The following ACOT8 variants were observed in gnomAD, a reference collection of about 807,000 sequenced individuals.
The protein encoded by ACOT8 is acyl-CoA thioesterase 8.
ACOT8 carries 31 observed loss-of-function variants against 38.4 expected under a neutral mutation model. The observed-to-expected ratio is 0.81, with a 90% confidence interval of 0.61 to 1.09. The LOEUF is 1.09. Among genes scored for constraint, ACOT8 ranks in the 50% least tolerant of loss-of-function variants. The pLI is 0.00. For synonymous variants in ACOT8, 158 were observed against 170.3 expected (o/e 0.93, Z 0.56); for missense variants, 373 against 421.8 (o/e 0.88, Z 1.01).
Position 45,844,142 on chromosome 20 carries a change from C to A in ACOT8, c.646+121G>T, listed in dbSNP as rs756315580. 4.3e-6 allele frequency: 6 copies of A among 1,385,298 alleles called. No individual in the cohort carries two copies. In the South Asian group the frequency reaches 7.3e-5, roughly 17 times the overall value. 85.8% of individuals were successfully genotyped at this position (1,385,298 alleles called of 1,614,324 possible). ...CCCAGGTGAGAAGCTAAGCCAACTT[C>A]CCCATCATGCAGATAAGGAAACAGG... On this transcript the variant is annotated intron_variant, in intron 4 of 5. Transcript: ENST00000217455.
intron 5 of ACOT8, chr20:45,842,322 G>A (rs558275177): frequency 1.5e-5 from 21 of 1,399,192 alleles, no homozygotes; most frequent in Admixed American, 9.5e-5. Flanking sequence ...ACCTCTCCTC[G>A]CTTCCTCAAA....
At chr20:45,845,308 C>T (rs200768254) in intron 3 of ACOT8, among the ~76,000 whole-genome samples, 20 of 152,018 alleles carry the variant, frequency 1.3e-4, no homozygotes, top group Non-Finnish European at 1.8e-4. Flanking sequence ...AGGGTGGTCT[C>T]GAATTCCTGA....
rs73308468 is a variant in ACOT8, at chr20:45,841,829, T to A, written c.*9A>T. The A allele has an allele frequency of 6.3e-7, 1 of 1,594,870 alleles. No homozygotes were observed. The highest frequency in any genetic ancestry group is 2.2e-5 in the East Asian group (1 of 44,624). ...TTCTTGAAGCCCCAGGCGAAGCTGG[T>A]ACCTCTGGCTACAGCTTGCTCTCTG... On this transcript the variant is annotated 3_prime_UTR_variant, in exon 6 of 6. Transcript: ENST00000217455.
At chr20:45,846,591 C>T (rs1987847969) in intron 3 of ACOT8, among the ~76,000 whole-genome samples, 1 of 152,188 alleles carries the variant, frequency 6.6e-6, no homozygotes, top group Non-Finnish European at 1.5e-5. Flanking sequence ...GAGACATTCT[C>T]TCCTTATGAT....
At chr20:45,842,139 C>A in intron 5 of ACOT8, 183 bp from the exon 6 acceptor site, 1 of 1,529,754 alleles carries the variant, frequency 6.5e-7, no homozygotes. Flanking sequence ...CCATGCCCAA[C>A]CTCCAAGTGG....
chr20:45,844,480 A>G, intron 3 of ACOT8, 60 bp from the exon 4 acceptor site: 1 of 1,571,812 alleles, frequency 6.4e-7, no homozygotes. Flanking sequence ...TCACATCTGC[A>G]TTGCCTCTTC....
At chr20:45,843,485 A>T in intron 5 of ACOT8, 42 bp downstream of exon 5, 1 of 1,594,938 alleles carries the variant, frequency 6.3e-7, no homozygotes. Context: ...GGCTCCTGCC[A>T]CTCAAGGTCA....
chr20:45,857,338 G>A lies in ACOT8; in HGVS notation c.-23C>T, dbSNP rs1255168291. The A allele has an allele frequency of 3.2e-6, 5 of 1,581,186 alleles. No individual in the cohort carries two copies. The highest frequency in any genetic ancestry group is 1.7e-4 in the Middle Eastern group (1 of 5,780). On this transcript the variant is annotated 5_prime_UTR_variant, in exon 1 of 6. Coordinates refer to ENST00000217455, the MANE Select transcript of ACOT8 (RefSeq NM_005469.4). ...CATCTAGTTCAATGCTGCAGGCCCT[G>A]CACACCCGCTCCGCGGAAGACGCGG...
At chr20:45,851,517 C>G (rs1985060536) in intron 2 of ACOT8, among the ~76,000 whole-genome samples, 1 of 152,172 alleles carries the variant, frequency 6.6e-6, no homozygotes, top group Non-Finnish European at 1.5e-5. Flanking sequence ...GTTATTGGAA[C>G]AGAGCAGGTA....
Position 45,843,682 on chromosome 20 carries a change from T to G in ACOT8, c.686A>C (p.Tyr229Ser), listed in dbSNP as rs756689298. 7.4e-6 allele frequency: 12 copies of G among 1,611,918 alleles called. No homozygotes were observed. The highest frequency in any genetic ancestry group is 1.7e-4 in the Middle Eastern group (1 of 6,060). Residue 229 changes from tyrosine to serine, a missense_variant, in exon 5 of 6, where the codon TAT (tyrosine) becomes TCT (serine). Transcript: ENST00000217455. ...DMKMHCCVAA[Y>S]ISDYAFLGTA... ...GCCCAAGAAGGCATAGTCGGAGATA[T>G]AGGCGGCCACGCAGCAGTGCATCTT... is the stretch of plus-strand genomic sequence containing the variant.
chr20:45,843,910 A>C, intron 4 of ACOT8, 189 bp from the exon 5 acceptor site: 1 of 1,218,380 alleles, frequency 8.2e-7, no homozygotes, highest in Non-Finnish European at 1.1e-6. Flanking sequence ...AGGGGTGAGC[A>C]GGGACTGAAA....
In ACOT8 at chr20:45,855,247, C is replaced by T; in HGVS notation, c.174G>A (p.Gln58=). The T allele has an allele frequency of 6.2e-7, 1 of 1,614,214 alleles. No homozygotes were observed. The highest frequency in any genetic ancestry group is 8.5e-7 in the Non-Finnish European group (1 of 1,180,048). ...WVPAKRLFGG[Q]IVGQALVAAA... is the part of the protein sequence containing the mutation. ...CAGCCACCAGGGCCTGGCCCACGATCTGACCACCAAACAGCCTCTTGGCCG... is the reference window on the plus strand; with the variant it reads ...CAGCCACCAGGGCCTGGCCCACGATTTGACCACCAAACAGCCTCTTGGCCG... The change falls in exon 2 of 6, where the codon CAG becomes CAA. Residue 58 remains glutamine, a synonymous_variant. Coordinates refer to ENST00000217455, the MANE Select transcript of ACOT8 (RefSeq NM_005469.4).
intron 2 of ACOT8, among the ~76,000 whole-genome samples, chr20:45,850,202 T>C (rs1984973035): frequency 6.6e-6 from 1 of 152,078 alleles, no homozygotes; most frequent in South Asian, 2.1e-4. Context: ...GAGCCGAAAT[T>C]GCACCACTGC....
chr20:45,843,900 A>C, intron 4 of ACOT8, 179 bp from the exon 5 acceptor site: 1 of 1,246,560 alleles, frequency 8.0e-7, no homozygotes, highest in Non-Finnish European at 1.1e-6. Context: ...TGGGGAGGGC[A>C]GGGGTGAGCA....
chr20:45,845,571 C>G (rs1984624733), intron 3 of ACOT8, among the ~76,000 whole-genome samples: 2 of 152,216 alleles, frequency 1.3e-5, no homozygotes, highest in Admixed American at 1.3e-4. Context: ...CAGTAGGGAA[C>G]ATTGCATCCC....
At chr20:45,849,421 G>C (rs959710888) in intron 2 of ACOT8, among the ~76,000 whole-genome samples, 9 of 151,722 alleles carry the variant, frequency 5.9e-5, no homozygotes, top group African/African-American at 2.2e-4. Flanking sequence ...AGTGGGGGGG[G>C]ACTACAGGGG....
rs1305162747 is a variant in ACOT8, at chr20:45,857,372, A to G, written c.-57T>C. ...CTCCGCGGAAGACGCGGAGACATAC[A>G]CAGAACCTGACTCTTCCGGCAGATT... On this transcript the variant is annotated 5_prime_UTR_variant, in exon 1 of 6. Transcript: ENST00000217455. 5 of 1,530,192 alleles carry G rather than the reference A, an allele frequency of 3.3e-6. No homozygotes were observed. The highest frequency in any genetic ancestry group is 1.4e-5 in the African/African-American group (1 of 72,514). 94.8% of individuals were successfully genotyped at this position (1,530,192 alleles called of 1,614,324 possible). A position where few individuals can be genotyped will look rare whatever the true frequency, so the allele number is the denominator to read the frequency against.
intron 2 of ACOT8, chr20:45,854,016 G>T: frequency 3.9e-6 from 5 of 1,269,800 alleles, no homozygotes; most frequent in Non-Finnish European, 5.1e-6. Flanking sequence ...AGAAAACAGT[G>T]AGGGTTTTTT....
intron 1 of ACOT8, among the ~76,000 whole-genome samples, chr20:45,855,720 T>A (rs1341631617): frequency 6.6e-6 from 1 of 152,008 alleles, no homozygotes; most frequent in East Asian, 1.9e-4. Context: ...ACCACTGCAC[T>A]CCAGCCTGGG....
Sources: allele counts gnomAD v4.1 joint callset (sites outside exome capture counted in the v4.1 genomes callset), GRCh38; gene constraint gnomAD v4.1.1; transcripts MANE v1.5; gene names NCBI Gene and HGNC (gene_info 2026-07-23, HGNC 2026-07-21).